Variants in DUOX2 observed in about 807,000 individuals in gnomAD.
DUOX2 encodes dual oxidase 2, also known as NADH/NADPH thyroid oxidase p138-tox.
Under a neutral mutation model 183.3 loss-of-function variants are expected in DUOX2, and 185 were observed. The ratio of observed to expected loss-of-function variants is 1.01; its 90% CI spans 0.90 to 1.14. The LOEUF (loss-of-function observed/expected upper bound fraction) is 1.14. Among genes scored for constraint, DUOX2 ranks in the 50% most tolerant of loss-of-function variants. The pLI, the probability that DUOX2 is intolerant of heterozygous loss-of-function variation, is 0.00. For synonymous variants in DUOX2, 788 were observed against 812.4 expected, an observed-to-expected ratio of 0.97 and a Z score of 0.51; for missense variants, 1,999 against 2,022.9, an observed-to-expected ratio of 0.99 and a Z score of 0.23.
Position 45,106,939 on chromosome 15 carries a change from G to A in DUOX2, c.1724C>T (p.Thr575Ile), listed in dbSNP as rs1894235277. 3 of 1,579,864 alleles carry A rather than the reference G, an allele frequency of 1.9e-6. No homozygotes were observed. The highest frequency in any genetic ancestry group is 2.3e-5 in the East Asian group (1 of 43,888). ...GAPCPQPKQL[T>I]TDGLPQCAPL... ...TGCACACTGGGGCAGGCCGTCAGTT[G>A]TGAGCTGCTTAGGTTGAGGGCAGGG... Residue 575 changes from threonine (T) to isoleucine (I), a missense_variant, in exon 15 of 34, where the codon ACA becomes ATA. Physicochemically the swap from Thr to Ile is moderately conservative, Grantham distance 89. Around this residue, in one of 3 missense-constraint regions of DUOX2, gnomAD observed 1,628 missense variants for 1,608.6 expected, o/e 1.01. Coordinates refer to ENST00000389039, the MANE Select transcript of DUOX2 (RefSeq NM_001363711.2).
intron 29 of DUOX2, among the ~76,000 whole-genome samples, chr15:45,096,969 C>G (rs1010331360): frequency 6.6e-6 from 1 of 152,204 alleles, no homozygotes; most frequent in African/African-American, 2.4e-5. Context: ...CCTTTCCCAT[C>G]CTCAAACCCC....
Position 45,111,472 on chromosome 15 carries a change from G to A in DUOX2, c.627C>T (p.Pro209=). ...GGTTCTGCGAGTCTCGGGGGAAAGCGGGGTCGGGCCCCGACGCCAGCTGTC... is the reference window on the plus strand; with the variant it reads ...GGTTCTGCGAGTCTCGGGGGAAAGCAGGGTCGGGCCCCGACGCCAGCTGTC... ...SGGQLASGPD[P]AFPRDSQNPL... is the part of the protein sequence containing the mutation. Residue 209 remains proline, a synonymous_variant, in exon 6 of 34, where the codon CCC becomes CCT. Coordinates refer to ENST00000389039, the MANE Select transcript of DUOX2 (RefSeq NM_001363711.2). 1 of 1,551,612 alleles carries A rather than the reference G, an allele frequency of 6.4e-7. No individual in the cohort carries two copies. Among genetic ancestry groups the A allele is most frequent in the Non-Finnish European group, 8.7e-7 (1 of 1,150,790 alleles).
intron 20 of DUOX2, among the ~76,000 whole-genome samples, chr15:45,102,399 G>C (rs1309315178): frequency 1.3e-5 from 2 of 152,204 alleles, no homozygotes; most frequent in African/African-American, 4.8e-5. Flanking sequence ...CCAGGTGCCA[G>C]GGAGGGGAAC....
chr15:45,099,013 CTT>C (rs1285199068), intron 26 of DUOX2: 1,615 of 222,422 alleles, frequency 7.3e-3, no homozygotes, highest in Middle Eastern at 0.014. Flanking sequence ...CTATTTCTTT[CTT>C]TTTTTTTTTT....
Position 45,100,207 on chromosome 15 carries a change from C to A in DUOX2, c.3027G>T (p.Arg1009=). The change falls in exon 24 of 34, where the codon CGG becomes CGT. Residue 1009 remains arginine, a synonymous_variant. Transcript: ENST00000389039. The part of the protein sequence containing the change: ...FGKKAAVPTP[R]LYTEALQEKM... ...TCTCTTGCAGCGCCTCTGTGTACAG[C>A]CGGGGAGTGGGCACTGCTGCCCTAT... 6.2e-7 allele frequency: 1 copy of A among 1,613,890 alleles called. No homozygotes were observed. Among genetic ancestry groups the A allele is most frequent in the East Asian group, 2.2e-5 (1 of 44,880 alleles).
chr15:45,101,373 G>A (rs952800130), intron 21 of DUOX2, 99 bp from the exon 22 acceptor site: 10 of 1,039,440 alleles, frequency 9.6e-6, no homozygotes, highest in Admixed American at 3.9e-5. Flanking sequence ...GTCATGTCCA[G>A]ATCTCTGACT....
intron 18 of DUOX2, 34 bp from the exon 19 acceptor site, chr15:45,104,399 GA>G: frequency 2.5e-6 from 4 of 1,602,880 alleles, no homozygotes; most frequent in Non-Finnish European, 3.4e-6. Flanking sequence ...GAGGGAAAGA[GA>G]AGGAGGTGAA....
At chr15:45,110,188 A>T (rs1894342658) in intron 9 of DUOX2, among the ~76,000 whole-genome samples, 1 of 152,090 alleles carries the variant, frequency 6.6e-6, no homozygotes, top group African/African-American at 2.4e-5. Context: ...AGGGAAGGGA[A>T]TGACCCAGCT....
Position 45,107,480 on chromosome 15 carries a change from A to G in DUOX2, c.1575-17T>C. 7 of 1,613,464 alleles carry G rather than the reference A, an allele frequency of 4.3e-6. No homozygotes were observed. Among genetic ancestry groups the G allele is most frequent in the Non-Finnish European group, 5.9e-6 (7 of 1,179,470 alleles). On this transcript the variant is annotated splice_polypyrimidine_tract_variant and intron_variant, in intron 13 of 33. Transcript: ENST00000389039. ...GAGAACAGCCTAAGTTGGAGGAAGT[A>G]GAAGTCACTGGGATGGGAAGGGGAT...
At chr15:45,098,546 C>A (rs1479513918) in intron 26 of DUOX2, among the ~76,000 whole-genome samples, 3 of 152,214 alleles carry the variant, frequency 2.0e-5, no homozygotes, top group African/African-American at 7.2e-5. Flanking sequence ...TGTCAGGTAT[C>A]TATGAGAAAG....
intron 7 of DUOX2, 57 bp from the exon 8 acceptor site, chr15:45,110,767 G>C: frequency 6.2e-7 from 1 of 1,611,068 alleles, no homozygotes. Flanking sequence ...GGGCCTGGAA[G>C]GGTCTGAGCC....
chr15:45,106,700 G>C (rs1894224127), intron 15 of DUOX2, 59 bp from the exon 16 acceptor site: 9 of 1,610,206 alleles, frequency 5.6e-6, no homozygotes, highest in Non-Finnish European at 7.6e-6. Flanking sequence ...CTCCACTGTG[G>C]CTTAGGCTAT....
chr15:45,108,945 C>T lies in DUOX2; in HGVS notation c.1242G>A (p.Trp414Ter), dbSNP rs1010451422. The part of the protein sequence containing the change: ...NIVVEDLRDY[W>*]PGPGKFSRTD... ...TACGGGAGAATTTGCCAGGGCCAGG[C>T]CAGTAATCTGAAGAGGAGAGAAGAC... The change falls in exon 12 of 34, where the codon TGG (tryptophan) becomes TGA (stop). Residue 414 changes from tryptophan (W) to a stop codon, truncating the protein, a stop_gained. Transcript: ENST00000389039. LOFTEE classifies it high-confidence loss of function. The T allele has an allele frequency of 1.2e-6, 2 of 1,614,076 alleles. No individual in the cohort carries two copies. Among genetic ancestry groups the T allele is most frequent in the Non-Finnish European group, 1.7e-6 (2 of 1,180,034 alleles).
intron 31 of DUOX2, 138 bp downstream of exon 31, chr15:45,095,299 A>C: frequency 6.8e-7 from 1 of 1,460,158 alleles, no homozygotes; most frequent in Middle Eastern, 1.9e-4. Flanking sequence ...CAAGTTTGGC[A>C]TCTCAACCAC....
Position 45,104,036 on chromosome 15 carries a change from A to ACTT in DUOX2, c.2575_2577dup (p.Lys859dup). The stretch of plus-strand genomic sequence containing the variant: ...TCATACATGGTAAACATTAGACGGG[A>ACTT]CTTATCCTCTGGGGAGCCTGGGAAG... On this transcript the variant is annotated inframe_insertion, in exon 20 of 34. Transcript: ENST00000389039. 7 of 1,614,112 alleles carry ACTT rather than the reference A, an allele frequency of 4.3e-6. No homozygotes were observed. The highest frequency in any genetic ancestry group is 5.9e-6 in the Non-Finnish European group (7 of 1,180,022).
rs1300777462 is a variant in DUOX2 at position 45,097,649 on chromosome 15, G to A, written c.3658C>T (p.Leu1220=). The A allele has an allele frequency of 2.5e-6, 4 of 1,614,266 alleles. No homozygotes were observed. The highest frequency in any genetic ancestry group is 2.2e-5 in the East Asian group (1 of 44,878). ...AGCAGGATGTAGAGGTGGTGGGTCA[G>A]CCAGAAGCCCCGGAAGCTGCGGCGG... is the stretch of plus-strand genomic sequence containing the variant. ...FRRRSFRGFW[L]THHLYILLYA... Residue 1220 remains leucine, a synonymous_variant, in exon 28 of 34, where the codon CTG becomes TTG. Transcript: ENST00000389039.
chr15:45,094,938 G>T lies in DUOX2; in HGVS notation c.4393C>A (p.Leu1465Ile). The change falls in exon 32 of 34, where the codon CTA becomes ATA. Residue 1465 changes from leucine to isoleucine, a missense_variant and splice_region_variant. Coordinates refer to ENST00000389039, the MANE Select transcript of DUOX2 (RefSeq NM_001363711.2). Reference protein sequence around the residue: ...AEKFDLRTTMLYICERHFQKV... With the variant: ...AEKFDLRTTMIYICERHFQKV... ...CTGCCTGGCGGGCCCTGACATACTA[G>T]CATGGTGGTCCTGAGGTCGAACTTC... The T allele has an allele frequency of 6.2e-7, 1 of 1,614,088 alleles. No individual in the cohort carries two copies. Among genetic ancestry groups the T allele is most frequent in the East Asian group, 2.2e-5 (1 of 44,866 alleles).
chr15:45,095,825 C>A lies in DUOX2; in HGVS notation c.4080+3G>T. The A allele has an allele frequency of 1.2e-6, 2 of 1,613,002 alleles. No individual in the cohort carries two copies. The highest frequency in any genetic ancestry group is 1.7e-6 in the Non-Finnish European group (2 of 1,179,146). ...CGGAAGCAGGGTTCCCAGTGACGGG[C>A]ACCTTTGGGTATCCAGCACAGCCAT... On this transcript the variant is annotated splice_donor_region_variant and intron_variant, in intron 30 of 33. Transcript: ENST00000389039.
chr15:45,105,715 T>C lies in DUOX2; in HGVS notation c.2262A>G (p.Leu754=), dbSNP rs1894192503. 1.9e-6 allele frequency: 3 copies of C among 1,614,198 alleles called. No individual in the cohort carries two copies. Among genetic ancestry groups the C allele is most frequent in the East Asian group, 4.5e-5 (2 of 44,876 alleles). Residue 754 remains leucine, a synonymous_variant, in exon 18 of 34, where the codon CTA becomes CTG. Transcript: ENST00000389039. ...LHVAEMSEKE[L]FRKAVTKQQR... is the part of the protein sequence containing the mutation. ...GCTGCTTTGTCACAGCCTTCCTAAA[T>C]AGCTCCTTCTCGCTCATCTCAGCCA... is the stretch of plus-strand genomic sequence containing the variant.
Sources: allele counts gnomAD v4.1 joint callset (sites outside exome capture counted in the v4.1 genomes callset), GRCh38; gene constraint gnomAD v4.1.1; regional missense constraint gnomAD v4.1.1; transcripts MANE v1.5; gene names NCBI Gene and HGNC (gene_info 2026-07-23, HGNC 2026-07-21).